The following CLSTN1 variants were observed in gnomAD, a reference collection of about 807,000 sequenced individuals.
CLSTN1 encodes the protein calsyntenin-1.
Under a neutral mutation model 108.3 loss-of-function variants are expected in CLSTN1, and 28 were observed. The ratio of observed to expected loss-of-function variants is 0.26; its 90% CI spans 0.19 to 0.35. The LOEUF (loss-of-function observed/expected upper bound fraction) is 0.35. Among genes scored for constraint, CLSTN1 ranks in the 10% least tolerant of loss-of-function variants. The probability of loss-of-function intolerance (pLI) is 1.00; values close to 1 mark genes in which losing one functional copy is unlikely to be tolerated. For synonymous variants in CLSTN1, 524 were observed against 534.9 expected (o/e 0.98, Z 0.28); for missense variants, 1,157 against 1,302.6 (o/e 0.89, Z 1.72).
intron 1 of CLSTN1, among the ~76,000 whole-genome samples, chr1:9,821,003 T>C (rs1363952440): frequency 6.6e-6 from 1 of 152,244 alleles, no homozygotes; most frequent in Admixed American, 6.5e-5. Context: ...GTTGCATTTT[T>C]TAAATATTCA....
chr1:9,797,488 A>T (rs1042798329), intron 1 of CLSTN1, among the ~76,000 whole-genome samples: 8 of 152,240 alleles, frequency 5.3e-5, no homozygotes, highest in Admixed American at 2.6e-4. Flanking sequence ...AAATTTTTTT[A>T]AAATTAGCCT....
chr1:9,808,772 G>A (rs1654611903), intron 1 of CLSTN1, among the ~76,000 whole-genome samples: 1 of 152,036 alleles, frequency 6.6e-6, no homozygotes, highest in South Asian at 2.1e-4. Context: ...GCTGTGGGCT[G>A]CTCAGATGCC....
At position 9,817,659 on chromosome 1, in the gene CLSTN1, G is replaced by A. The variant is rs149767346; in HGVS notation, c.91+5984C>T. On this transcript the variant is annotated intron_variant, in intron 1 of 18. Transcript: ENST00000377298. ...CAGATGTTTTATAGGCATTTAAGCT[G>A]CTTTAAACTCTGCTACTTTGAAGTA... Among the ~76,000 whole-genome samples the A allele has an allele frequency of 2.2e-4, 33 of 152,262 alleles. No homozygotes were observed. In the East Asian group the frequency reaches 5.8e-3, roughly 27 times the overall value.
chr1:9,763,374 C>A (rs1652178045), intron 2 of CLSTN1, among the ~76,000 whole-genome samples: 1 of 152,186 alleles, frequency 6.6e-6, no homozygotes. Flanking sequence ...CAAAAATGGT[C>A]TGTGACGCTT....
At chr1:9,756,339 C>A (rs1313905706) in intron 3 of CLSTN1, 142 bp downstream of exon 3, 1 of 676,270 alleles carries the variant, frequency 1.5e-6, no homozygotes, top group Non-Finnish European at 2.5e-6. Flanking sequence ...CATCAATATA[C>A]TTTAAAATAG....
In CLSTN1 at chr1:9,730,819, C is replaced by T. The variant is rs902665062; in HGVS notation, c.2749-114G>A. On this transcript the variant is annotated intron_variant, in intron 18 of 18. Coordinates refer to ENST00000377298, the MANE Select transcript of CLSTN1 (RefSeq NM_001009566.3). The surrounding 1 kb of genome is among the most constrained non-coding windows in gnomAD (Gnocchi z 5.6). ...GAGAACTTGCCCCAGCGTCTCCCTC[C>T]CCAGCGACAGAGCAGCCAGGACGGC... 1.6e-5 allele frequency: 16 copies of T among 1,020,644 alleles called. No individual in the cohort carries two copies. Among genetic ancestry groups the T allele is most frequent in the Admixed American group, 2.1e-5 (1 of 46,842 alleles). The allele number at this position is 1,020,644 out of a possible 1,614,324, so 63.2% of individuals were successfully genotyped here.
intron 1 of CLSTN1, among the ~76,000 whole-genome samples, chr1:9,781,695 G>A (rs1199124684): frequency 2.6e-5 from 4 of 152,018 alleles, no homozygotes; most frequent in African/African-American, 4.8e-5. Context: ...CGCCCAACTC[G>A]GCCTCCCAAA....
At chr1:9,786,200 A>C (rs912357691) in intron 1 of CLSTN1, among the ~76,000 whole-genome samples, 4 of 152,058 alleles carry the variant, frequency 2.6e-5, no homozygotes, top group African/African-American at 7.2e-5. Context: ...ACAAACAAAA[A>C]ACACACACAT....
rs575906598 is a variant in CLSTN1, at chr1:9,746,082, T to C, written c.986-1439A>G. Among the ~76,000 whole-genome samples the C allele has an allele frequency of 3.3e-5, 5 of 152,196 alleles. No homozygotes were observed. The South Asian group carries it at 8.3e-4, about 25-fold the overall frequency. ...CGCGCTCGGCCTGAATAGCATTTCA[T>C]TGTACAGATACAGCATCACCTACTG... On this transcript the variant is annotated intron_variant, in intron 7 of 18. Coordinates refer to ENST00000377298, the MANE Select transcript of CLSTN1 (RefSeq NM_001009566.3).
At chr1:9,755,410 A>T in intron 3 of CLSTN1, 101 bp from the exon 4 acceptor site, 1 of 1,015,700 alleles carries the variant, frequency 9.8e-7, no homozygotes, top group Non-Finnish European at 1.5e-6. Flanking sequence ...ATAAATGACA[A>T]CAATTTGGCA....
At chr1:9,774,501 G>A (rs924123449) in intron 1 of CLSTN1, among the ~76,000 whole-genome samples, 2 of 151,842 alleles carry the variant, frequency 1.3e-5, no homozygotes, top group African/African-American at 4.8e-5. Flanking sequence ...GGGAGGTGGA[G>A]GTTGCAGTGA....
At chr1:9,795,021 GAA>G (rs59646404) in intron 1 of CLSTN1, among the ~76,000 whole-genome samples, 4 of 127,760 alleles carry the variant, frequency 3.1e-5, no homozygotes, top group Admixed American at 8.6e-5. Context: ...AGGCTAATCA[GAA>G]AAAAAAAAAA....
rs193090854 is a variant in CLSTN1 at position 9,753,797 on chromosome 1, G to T, written c.440+1317C>A. On this transcript the variant is annotated intron_variant, in intron 4 of 18. Coordinates refer to ENST00000377298, the MANE Select transcript of CLSTN1 (RefSeq NM_001009566.3). ...GCTGGGATTACAGGCGTGAGCCACC[G>T]TGCCTGGCCAATTTTTGTTGTTATT... Among the ~76,000 whole-genome samples, 832 of 152,038 alleles carry T rather than the reference G, an allele frequency of 5.5e-3. 11 individuals carry two copies. Among genetic ancestry groups the T allele is most frequent in the African/African-American group, 0.019 (805 of 41,470 alleles).
chr1:9,774,005 G>A (rs1161423046), intron 1 of CLSTN1, among the ~76,000 whole-genome samples: 2 of 151,928 alleles, frequency 1.3e-5, no homozygotes, highest in African/African-American at 2.4e-5. Flanking sequence ...GCCTCCCAAA[G>A]TGTTGGGATT....
chr1:9,746,728 C>CCA (rs1161083364), intron 7 of CLSTN1, among the ~76,000 whole-genome samples: 7 of 148,156 alleles, frequency 4.7e-5, no homozygotes, highest in Non-Finnish European at 7.5e-5. Flanking sequence ...AAAAAAAAAA[C>CCA]CACACACACA....
chr1:9,778,518 G>A (rs78713844), intron 1 of CLSTN1, among the ~76,000 whole-genome samples: 4 of 152,024 alleles, frequency 2.6e-5, no homozygotes, highest in African/African-American at 9.7e-5. Flanking sequence ...CTGAGCAAGA[G>A]AGCTAGAAAA....
At chr1:9,735,684 C>T in intron 12 of CLSTN1, 69 bp from the exon 13 acceptor site, 1 of 1,594,342 alleles carries the variant, frequency 6.3e-7, no homozygotes, top group Non-Finnish European at 8.6e-7. Flanking sequence ...ACCACAGATG[C>T]CTCCACAAAG....
Position 9,777,793 on chromosome 1 carries a change from G to A in CLSTN1, c.92-4399C>T, listed in dbSNP as rs146136604. Among the ~76,000 whole-genome samples the A allele has an allele frequency of 2.4e-3, 360 of 152,194 alleles. 11 individuals carry two copies. The East Asian group carries it at 0.049, about 21-fold the overall frequency. On this transcript the variant is annotated intron_variant, in intron 1 of 18. Transcript: ENST00000377298. ...CCCCTTAACATAGTCTCTAGAAAATGCCACAGTGCAGCCTAAGAGGATGAG... is the reference window on the plus strand; with the variant it reads ...CCCCTTAACATAGTCTCTAGAAAATACCACAGTGCAGCCTAAGAGGATGAG...
At chr1:9,755,002 C>T in intron 4 of CLSTN1, 112 bp downstream of exon 4, 1 of 795,866 alleles carries the variant, frequency 1.3e-6, no homozygotes, top group Non-Finnish European at 2.0e-6. Flanking sequence ...GAACTATCTT[C>T]TGCCTATTTC....
Sources: allele counts gnomAD v4.1 joint callset (sites outside exome capture counted in the v4.1 genomes callset), GRCh38; gene constraint gnomAD v4.1.1; non-coding constraint Gnocchi (gnomAD v3.1); transcripts MANE v1.5; gene names NCBI Gene and HGNC (gene_info 2026-07-23, HGNC 2026-07-21).